Variants in EPRS1 observed in about 807,000 individuals in gnomAD.
EPRS1 encodes glutamyl-prolyl-tRNA synthetase 1, also known as bifunctional glutamate/proline--tRNA ligase.
In EPRS1, 107 loss-of-function variants were observed where a neutral mutation model predicts 188.3. The observed-to-expected ratio is 0.57, with a 90% CI of 0.49 to 0.67. The LOEUF (loss-of-function observed/expected upper bound fraction) is 0.67. Ranked by LOEUF, EPRS1 falls within the 30% of genes least tolerant of loss-of-function variation. EPRS1 has a pLI of 0.00. For missense variants in EPRS1, 1,577 were observed against 1,802.2 expected (o/e 0.88, Z 2.26); for synonymous variants, 596 against 593.1 (o/e 1.00, Z -0.07).
At chr1:220,044,393 A>G (rs1348705505) in intron 1 of EPRS1, among the ~76,000 whole-genome samples, 1 of 152,180 alleles carries the variant, frequency 6.6e-6, no homozygotes, top group Non-Finnish European at 1.5e-5. Flanking sequence ...ACACTACAGA[A>G]ACAGGCCACC....
At chr1:219,971,511 C>A (rs1243337186) in intron 30 of EPRS1, among the ~76,000 whole-genome samples, 2 of 151,880 alleles carry the variant, frequency 1.3e-5, no homozygotes, top group Non-Finnish European at 2.9e-5. Flanking sequence ...TATGTACAGT[C>A]AGGGAATGGA....
intron 28 of EPRS1, among the ~76,000 whole-genome samples, chr1:219,976,806 CA>C (rs1440894815): frequency 6.6e-6 from 1 of 152,022 alleles, no homozygotes; most frequent in Non-Finnish European, 1.5e-5. Context: ...ATGGAGGAGG[CA>C]AATATTTTGT....
intron 20 of EPRS1, among the ~76,000 whole-genome samples, chr1:219,984,846 C>T (rs949813076): frequency 2.6e-5 from 4 of 152,034 alleles, no homozygotes; most frequent in Non-Finnish European, 5.9e-5. Context: ...AGTTTGAGAC[C>T]AGCCTGACCA....
intron 12 of EPRS1, among the ~76,000 whole-genome samples, chr1:220,015,762 C>T (rs1018660862): frequency 2.7e-5 from 4 of 149,510 alleles, no homozygotes; most frequent in South Asian, 2.1e-4. Context: ...CAAAGAATGA[C>T]GTATTACCTT....
At position 220,010,656 on chromosome 1, in the gene EPRS1, G is replaced by A. The variant is rs546212484; in HGVS notation, c.1605+290C>T. Among the ~76,000 whole-genome samples the A allele has an allele frequency of 6.6e-5, 10 of 151,762 alleles. No individual in the cohort carries two copies. In the South Asian group the frequency reaches 1.5e-3, roughly 22 times the overall value. Reference sequence around the variant, plus strand: ...GAAACCCCATCTCCACTAAAAATACGAAAATTAGCTAGGCGTAGTGGGGGG... The same window carrying A: ...GAAACCCCATCTCCACTAAAAATACAAAAATTAGCTAGGCGTAGTGGGGGG... On this transcript the variant is annotated intron_variant, in intron 13 of 31. Coordinates refer to ENST00000366923, the MANE Select transcript of EPRS1 (RefSeq NM_004446.3).
intron 20 of EPRS1, 64 bp from the exon 21 acceptor site, chr1:219,984,321 A>G: frequency 1.7e-6 from 2 of 1,143,876 alleles, no homozygotes; most frequent in Non-Finnish European, 1.3e-6. Flanking sequence ...TTGAATAAAA[A>G]TAAACCTCTA....
intron 9 of EPRS1, among the ~76,000 whole-genome samples, chr1:220,020,706 A>G (rs1224164217): frequency 6.6e-6 from 1 of 150,466 alleles, no homozygotes; most frequent in Non-Finnish European, 1.5e-5. Flanking sequence ...GTAAAAAAAA[A>G]AAACCGACAG....
chr1:219,994,711 C>T (rs1297297853), intron 18 of EPRS1, among the ~76,000 whole-genome samples: 1 of 140,748 alleles, frequency 7.1e-6, no homozygotes, highest in East Asian at 2.0e-4. Context: ...AGTACAGTGG[C>T]ACAATATCTC....
chr1:219,983,433 T>C, intron 21 of EPRS1, 35 bp from the exon 22 acceptor site: 2 of 1,490,504 alleles, frequency 1.3e-6, no homozygotes, highest in East Asian at 4.6e-5. Flanking sequence ...AAAGCTTACA[T>C]TGAACCAAAA....
rs1370624817 is a variant in EPRS1 at position 220,005,468 on chromosome 1, A to G, written c.1951-108T>C. On this transcript the variant is annotated intron_variant, in intron 15 of 31. Coordinates refer to ENST00000366923, the MANE Select transcript of EPRS1 (RefSeq NM_004446.3). ...ACTAAAATACTCCCATTTTAAACAG[A>G]TATGTTAAAAAGTTCACTACTTGAG... 3 of 565,282 alleles carry G rather than the reference A, an allele frequency of 5.3e-6. No individual in the cohort carries two copies. The East Asian group carries it at 9.4e-5, about 18-fold the overall frequency. 35.0% of individuals were successfully genotyped at this position (565,282 alleles called of 1,614,324 possible).
At chr1:220,018,892 AC>A (rs1661798028) in intron 11 of EPRS1, 102 bp downstream of exon 11, 5 of 764,298 alleles carry the variant, frequency 6.5e-6, no homozygotes, top group Non-Finnish European at 1.0e-5. Flanking sequence ...TAAGGCACAA[AC>A]AAGGAATAGA....
At chr1:219,978,354 T>C (rs2102562037) in intron 28 of EPRS1, among the ~76,000 whole-genome samples, 192 bp downstream of exon 28, 1 of 152,334 alleles carries the variant, frequency 6.6e-6, no homozygotes, top group Non-Finnish European at 1.5e-5. Flanking sequence ...AAAACTATTT[T>C]AAATTTAGGT....
At chr1:220,045,866 T>G (rs1417797659) in intron 1 of EPRS1, among the ~76,000 whole-genome samples, 1 of 152,222 alleles carries the variant, frequency 6.6e-6, no homozygotes, top group African/African-American at 2.4e-5. Flanking sequence ...AAGGAAAATT[T>G]GACTCAAGTG....
chr1:220,030,269 T>C (rs1662059918), intron 6 of EPRS1, 117 bp downstream of exon 6: 1 of 630,798 alleles, frequency 1.6e-6, no homozygotes, highest in South Asian at 2.3e-5. Context: ...ACTCTCACAA[T>C]TAAAATCTTA....
In EPRS1 at chr1:220,044,112, CTTTAT is replaced by C. The variant is rs575352201; in HGVS notation, c.46+2226_46+2230del. Among the ~76,000 whole-genome samples, 428 of 152,098 alleles carry C rather than the reference CTTTAT, an allele frequency of 2.8e-3. 3 individuals carry two copies. The highest frequency in any genetic ancestry group is 9.7e-3 in the African/African-American group (403 of 41,496). The stretch of plus-strand genomic sequence containing the variant: ...CTTGGGTGGTATGGGGGAAAAAGGT[CTTTAT>C]TTTAAGTTTGAAATTAACATTAAAT... On this transcript the variant is annotated intron_variant, in intron 1 of 31. Transcript: ENST00000366923.
intron 4 of EPRS1, 144 bp downstream of exon 4, chr1:220,033,358 C>T (rs1662120408): frequency 5.8e-6 from 3 of 517,960 alleles, no homozygotes; most frequent in Non-Finnish European, 1.0e-5. Context: ...GAGGTCATTC[C>T]CCTGTAATAA....
At position 219,997,233 on chromosome 1, in the gene EPRS1, A is replaced by G. The variant is rs1661253824; in HGVS notation, c.2291T>C (p.Val764Ala). The G allele has an allele frequency of 6.2e-7, 1 of 1,614,036 alleles. No homozygotes were observed. Reference sequence around the variant, plus strand: ...TGCTTTCTTGGCTTTTAATTCACGAACCACATCTCCTTGAACAGCCACTCT... The same window carrying G: ...TGCTTTCTTGGCTTTTAATTCACGAGCCACATCTCCTTGAACAGCCACTCT... ...YNRVAVQGDV[V>A]RELKAKKAPK... The change falls in exon 18 of 32, where the codon GTT (valine) becomes GCT (alanine). Residue 764 changes from valine to alanine, a missense_variant. Around this residue, in one of 3 missense-constraint regions of EPRS1, gnomAD observed 1,278 missense variants for 1,457.4 expected, o/e 0.88. Transcript: ENST00000366923.
At chr1:220,018,882 T>C (rs535567467) in intron 11 of EPRS1, 113 bp downstream of exon 11, 481 of 571,326 alleles carry the variant, frequency 8.4e-4, no homozygotes, top group East Asian at 1.2e-3. Context: ...CCTTGGATCA[T>C]AAGGCACAAA....
chr1:220,005,029 A>G (rs1223439038), intron 16 of EPRS1, among the ~76,000 whole-genome samples: 1 of 152,250 alleles, frequency 6.6e-6, no homozygotes, highest in Non-Finnish European at 1.5e-5. Flanking sequence ...GTTTAATTTC[A>G]GAAATGAATA....
Sources: allele counts gnomAD v4.1 joint callset (sites outside exome capture counted in the v4.1 genomes callset), GRCh38; gene constraint gnomAD v4.1.1; regional missense constraint gnomAD v4.1.1; transcripts MANE v1.5; gene names NCBI Gene and HGNC (gene_info 2026-07-23, HGNC 2026-07-21).